The following LEKR1 variants were observed in gnomAD, a reference collection of about 807,000 sequenced individuals.
The protein encoded by LEKR1 is protein LEKR1.
A neutral mutation model predicts 72.4 loss-of-function variants in LEKR1; 59 were observed. The ratio of observed to expected loss-of-function variants is 0.82; its 90% CI spans 0.66 to 1.01. The LOEUF (loss-of-function observed/expected upper bound fraction) is 1.01, where lower values mean the gene tolerates loss of function less well. Ranked by LOEUF, LEKR1 falls within the 50% of genes least tolerant of loss-of-function variation. LEKR1 has a pLI of 0.00. For missense variants in LEKR1, 728 were observed against 759.2 expected, an observed-to-expected ratio of 0.96 and a Z score of 0.48; for synonymous variants, 257 against 263.2, an observed-to-expected ratio of 0.98 and a Z score of 0.23.
intron 6 of LEKR1, among the ~76,000 whole-genome samples, chr3:156,957,663 T>C (rs1309709161): frequency 1.4e-5 from 2 of 139,266 alleles, no homozygotes; most frequent in East Asian, 2.1e-4. Context: ...GTGTTCTCTG[T>C]ACTTTTCAGA....
intron 2 of LEKR1, among the ~76,000 whole-genome samples, chr3:156,831,661 G>A (rs535726973): frequency 3.3e-5 from 5 of 152,128 alleles, no homozygotes; most frequent in Admixed American, 1.3e-4. Flanking sequence ...GTGCAGGGGC[G>A]CTCCTCTTTA....
intron 7 of LEKR1, 143 bp from the exon 8 acceptor site, chr3:156,992,510 T>C (rs1317935599): frequency 5.3e-6 from 1 of 187,378 alleles, no homozygotes; most frequent in African/African-American, 2.4e-5. Context: ...AGTATAGAAG[T>C]AAACTGAATG....
Position 156,852,984 on chromosome 3 carries a change from T to C in LEKR1, c.263+2T>C. 6.6e-7 allele frequency: 1 copy of C among 1,518,124 alleles called. No individual in the cohort carries two copies. The highest frequency in any genetic ancestry group is 2.0e-5 in the Admixed American group (1 of 50,572). The allele number at this position is 1,518,124 out of a possible 1,614,324, so 94.0% of individuals were successfully genotyped here. ...TGACAACAAATCCAAAACAGAAAGG[T>C]TGAGTATGTTTTTCTTTTCTATCAT... On this transcript the variant is annotated splice_donor_variant, in intron 3 of 12. Coordinates refer to ENST00000356539, the MANE Select transcript of LEKR1 (RefSeq NM_001004316.3). LOFTEE classifies it high-confidence loss of function.
chr3:156,857,013 T>G (rs62275166), intron 3 of LEKR1, among the ~76,000 whole-genome samples: 4,830 of 152,194 alleles, frequency 0.032, 112 homozygotes, highest in Non-Finnish European at 0.047. Context: ...TCCTGCCTAG[T>G]ATGTTTCTGT....
rs1715563486 is a variant in LEKR1 at position 156,852,932 on chromosome 3, T to A, written c.213T>A (p.Leu71=). 1 of 1,535,928 alleles carries A rather than the reference T, an allele frequency of 6.5e-7. No individual in the cohort carries two copies. Among genetic ancestry groups the A allele is most frequent in the African/African-American group, 1.4e-5 (1 of 72,960 alleles). ...EKRLQEKLHS[L]SQELEQYKID... is the part of the protein sequence containing the mutation. ...GACTTCAAGAAAAGCTGCATTCTCT[T>A]AGCCAAGAACTTGAACAGTACAAAA... The change falls in exon 3 of 13, where the codon CTT becomes CTA. Residue 71 remains leucine (L), a synonymous_variant. Transcript: ENST00000356539.
Position 156,912,613 on chromosome 3 carries a change from TC to T in LEKR1, c.264-7961del, listed in dbSNP as rs1402747397. On this transcript the variant is annotated intron_variant, in intron 3 of 12. Transcript: ENST00000356539. ...GCACACTTCCCACTCACGCCTGGGT[TC>T]TGGCCAAGGGAGTTCATCCCCACTC... Among the ~76,000 whole-genome samples, 6 of 152,352 alleles carry T rather than the reference TC, an allele frequency of 3.9e-5. No homozygotes were observed. The East Asian group carries it at 1.2e-3, about 29-fold the overall frequency.
At chr3:157,042,459 T>C (rs886499915) in intron 12 of LEKR1, among the ~76,000 whole-genome samples, 2 of 152,324 alleles carry the variant, frequency 1.3e-5, no homozygotes, top group Middle Eastern at 3.4e-3. Flanking sequence ...TCACTGGGTA[T>C]AAAGCATGGG....
intron 6 of LEKR1, among the ~76,000 whole-genome samples, chr3:156,972,790 A>G (rs1224654465): frequency 6.6e-5 from 10 of 151,626 alleles, no homozygotes; most frequent in African/African-American, 2.4e-4. Context: ...GAAAAATAAA[A>G]TAATTTAAAA....
intron 3 of LEKR1, among the ~76,000 whole-genome samples, chr3:156,858,948 C>G (rs1473712914): frequency 1.6e-4 from 25 of 152,090 alleles, no homozygotes; most frequent in Non-Finnish European, 1.5e-5. Context: ...TTTTAAATTT[C>G]TAAATGGATA....
At chr3:156,930,920 T>G (rs1383830655) in intron 5 of LEKR1, among the ~76,000 whole-genome samples, 1 of 152,078 alleles carries the variant, frequency 6.6e-6, no homozygotes, top group East Asian at 1.9e-4. Flanking sequence ...TTAGGATAAA[T>G]CATAAGCCTA....
chr3:156,939,690 C>A (rs987164557), intron 5 of LEKR1, among the ~76,000 whole-genome samples: 1 of 151,984 alleles, frequency 6.6e-6, no homozygotes, highest in Non-Finnish European at 1.5e-5. Context: ...AAATGAATAT[C>A]ACTTTATGTA....
intron 3 of LEKR1, among the ~76,000 whole-genome samples, chr3:156,878,973 CT>C (rs530709440): frequency 6.9e-4 from 105 of 152,030 alleles, no homozygotes; most frequent in Middle Eastern, 6.8e-3. Context: ...CATTAAACCT[CT>C]TTTTTTTATA....
Position 156,901,160 on chromosome 3 carries a change from A to G in LEKR1, c.264-19415A>G, listed in dbSNP as rs143469746. On this transcript the variant is annotated intron_variant, in intron 3 of 12. Transcript: ENST00000356539. ...TATTACATATTTTGAGAAGAAAATA[A>G]AAGTCTTTCTAACAAATTTTCTTTT... 4.1e-3 allele frequency among the ~76,000 whole-genome samples: 628 copies of G among 152,242 alleles called. 2 individuals carry two copies. The highest frequency in any genetic ancestry group is 0.014 in the Middle Eastern group (4 of 292).
At chr3:156,908,731 A>G (rs1000122697) in intron 3 of LEKR1, among the ~76,000 whole-genome samples, 6 of 152,148 alleles carry the variant, frequency 3.9e-5, no homozygotes, top group African/African-American at 1.2e-4. Context: ...AGAAACCAGC[A>G]TCTGGGGATT....
intron 2 of LEKR1, among the ~76,000 whole-genome samples, chr3:156,837,751 CAG>C (rs1413709872): frequency 6.6e-6 from 1 of 152,180 alleles, no homozygotes; most frequent in Non-Finnish European, 1.5e-5. Context: ...GCAAAGGAGA[CAG>C]TGATTTTTAC....
At chr3:156,928,601 G>A (rs1724940364) in intron 5 of LEKR1, among the ~76,000 whole-genome samples, 1 of 152,024 alleles carries the variant, frequency 6.6e-6, no homozygotes, top group Non-Finnish European at 1.5e-5. Flanking sequence ...TAGACTAGAG[G>A]ATAGAGATCA....
chr3:156,957,954 G>T lies in LEKR1; in HGVS notation c.745+15240G>T, dbSNP rs187423418. 2.2e-3 allele frequency among the ~76,000 whole-genome samples: 335 copies of T among 152,162 alleles called. 1 individual carries two copies. Among genetic ancestry groups the T allele is most frequent in the African/African-American group, 7.6e-3 (317 of 41,546 alleles). ...AATTAGGGTTTCATTTTTGCTGCTG[G>T]TGTTGAATAGATTCACACCATGGAT... is the stretch of plus-strand genomic sequence containing the variant. On this transcript the variant is annotated intron_variant, in intron 6 of 12. Coordinates refer to ENST00000356539, the MANE Select transcript of LEKR1 (RefSeq NM_001004316.3).
chr3:156,858,888 A>G (rs1162290633), intron 3 of LEKR1, among the ~76,000 whole-genome samples: 1 of 152,174 alleles, frequency 6.6e-6, no homozygotes, highest in East Asian at 1.9e-4. Context: ...AAATAAGATG[A>G]AGTTTAGTTT....
chr3:156,869,774 C>G (rs539526225), intron 3 of LEKR1, among the ~76,000 whole-genome samples: 23 of 152,020 alleles, frequency 1.5e-4, no homozygotes, highest in African/African-American at 4.8e-4. Flanking sequence ...GCTATAAAGT[C>G]TCTGCCTAGA....
Sources: allele counts gnomAD v4.1 joint callset (sites outside exome capture counted in the v4.1 genomes callset), GRCh38; gene constraint gnomAD v4.1.1; transcripts MANE v1.5; gene names NCBI Gene and HGNC (gene_info 2026-07-23, HGNC 2026-07-21).